The following KCNU1 variants were observed in gnomAD, a reference collection of about 807,000 sequenced individuals.
KCNU1 encodes potassium channel subfamily U member 1.
A neutral mutation model predicts 126.8 loss-of-function variants in KCNU1; 93 were observed. The observed-to-expected ratio is 0.73, with a 90% CI of 0.62 to 0.87. The LOEUF (loss-of-function observed/expected upper bound fraction) is 0.87. KCNU1 is among the 40% of genes least tolerant of loss of function. The pLI is 0.00. For missense variants in KCNU1, 1,330 were observed against 1,367.1 expected (o/e 0.97, Z 0.43); for synonymous variants, 523 against 494.2 (o/e 1.06, Z -0.77).
chr8:36,814,976 A>G (rs982313564), intron 8 of KCNU1, among the ~76,000 whole-genome samples: 1 of 151,708 alleles, frequency 6.6e-6, no homozygotes, highest in Non-Finnish European at 1.5e-5. Context: ...TCTGTCCCAT[A>G]TGCTTTCATT....
At chr8:36,902,526 C>T (rs1807459055) in intron 19 of KCNU1, among the ~76,000 whole-genome samples, 1 of 152,050 alleles carries the variant, frequency 6.6e-6, no homozygotes, top group South Asian at 2.1e-4. Context: ...CAGCAGGGAA[C>T]CACCTAAAAG....
intron 2 of KCNU1, among the ~76,000 whole-genome samples, chr8:36,799,253 A>T (rs1803214340): frequency 6.6e-6 from 1 of 152,188 alleles, no homozygotes; most frequent in African/African-American, 2.4e-5. Flanking sequence ...GTTTGCAGAT[A>T]ACCCATGTTT....
intron 7 of KCNU1, among the ~76,000 whole-genome samples, chr8:36,812,102 G>T (rs1803739203): frequency 6.6e-6 from 1 of 151,408 alleles, no homozygotes; most frequent in African/African-American, 2.4e-5. Context: ...ATTTTGGTCA[G>T]GCCCCTTGGC....
intron 19 of KCNU1, among the ~76,000 whole-genome samples, chr8:36,875,137 T>C (rs112713053): frequency 6.6e-6 from 1 of 152,252 alleles, no homozygotes; most frequent in African/African-American, 2.4e-5. Context: ...TTTCTGTCCG[T>C]CTCAAACTTC....
At chr8:36,817,809 C>T (rs752363863) in intron 10 of KCNU1, 49 bp downstream of exon 10, 21 of 888,520 alleles carry the variant, frequency 2.4e-5, no homozygotes, top group South Asian at 1.0e-4. Flanking sequence ...ACTTAAAATA[C>T]GTGTGAATAT....
chr8:36,875,610 A>C (rs1806253540), intron 19 of KCNU1, among the ~76,000 whole-genome samples: 1 of 152,036 alleles, frequency 6.6e-6, no homozygotes, highest in South Asian at 2.1e-4. Context: ...ACCTTCCAAA[A>C]TAAAAATGTC....
rs1246731624 is a variant in KCNU1 at position 36,836,879 on chromosome 8, C to A, written c.1452C>A (p.Ala484=). 3 of 1,613,604 alleles carry A rather than the reference C, an allele frequency of 1.9e-6. No individual in the cohort carries two copies. The African/African-American group carries it at 4.0e-5, about 22-fold the overall frequency. ...CFAELKLGFI[A]QGCLVPGLCT... ...CTGAATTAAAACTTGGATTTATCGC[C>A]CAAGGCTGTTTGGTGCCAGGCTTGT... Residue 484 remains alanine, a synonymous_variant, in exon 14 of 27, where the codon GCC becomes GCA. Coordinates refer to ENST00000399881, the MANE Select transcript of KCNU1 (RefSeq NM_001031836.3).
intron 10 of KCNU1, among the ~76,000 whole-genome samples, chr8:36,832,824 G>A (rs369022483): frequency 6.5e-4 from 98 of 151,874 alleles, no homozygotes; most frequent in African/African-American, 2.3e-3. Context: ...CCTAAAGCAC[G>A]GCTGTTGCTG....
At chr8:36,801,177 G>A (rs1803289592) in intron 2 of KCNU1, among the ~76,000 whole-genome samples, 1 of 152,094 alleles carries the variant, frequency 6.6e-6, no homozygotes, top group South Asian at 2.1e-4. Context: ...TAAATTTGGG[G>A]GAAAGAAACA....
chr8:36,835,632 G>A (rs546391274), intron 12 of KCNU1, among the ~76,000 whole-genome samples: 3 of 152,120 alleles, frequency 2.0e-5, no homozygotes, highest in Non-Finnish European at 4.4e-5. Flanking sequence ...GGGCCACTGC[G>A]CCTGGCCTGA....
Position 36,890,332 on chromosome 8 carries a change from T to C in KCNU1, c.2010-15376T>C, listed in dbSNP as rs566215644. 2.6e-5 allele frequency among the ~76,000 whole-genome samples: 4 copies of C among 152,148 alleles called. No individual in the cohort carries two copies. The South Asian group carries it at 8.3e-4, about 32-fold the overall frequency. Reference sequence around the variant, plus strand: ...GTATGAGGTGACCAATATACCTAGATACTTGAAATGAATGACAGCAGCATC... The same window carrying C: ...GTATGAGGTGACCAATATACCTAGACACTTGAAATGAATGACAGCAGCATC... On this transcript the variant is annotated intron_variant, in intron 19 of 26. Transcript: ENST00000399881.
At position 36,836,309 on chromosome 8, in the gene KCNU1, A is replaced by G. The variant is rs375260248; in HGVS notation, c.1309A>G (p.Lys437Glu). The change falls in exon 13 of 27, where the codon AAG becomes GAG. Residue 437 changes from lysine (K) to glutamate (E), a missense_variant. By Grantham distance (56) the Lys-to-Glu change is moderately conservative (BLOSUM62 1). Transcript: ENST00000399881. ...GGGTTTATATAGGGTGCTCTCTATC[A>G]AGAACTATGATTCTACCACCAGAAT... ...ISNIMRVLSI[K>E]NYDSTTRIII... 6 of 1,606,192 alleles carry G rather than the reference A, an allele frequency of 3.7e-6. No homozygotes were observed. Among genetic ancestry groups the G allele is most frequent in the South Asian group, 1.1e-5 (1 of 90,924 alleles).
chr8:36,928,421 G>A (rs571848575), intron 24 of KCNU1, among the ~76,000 whole-genome samples: 2 of 151,948 alleles, frequency 1.3e-5, no homozygotes, highest in East Asian at 1.9e-4. Flanking sequence ...CCACTCTCCC[G>A]CTCCCAGCCC....
chr8:36,808,012 A>C (rs1803570948), intron 6 of KCNU1, among the ~76,000 whole-genome samples: 1 of 152,206 alleles, frequency 6.6e-6, no homozygotes, highest in Admixed American at 6.6e-5. Context: ...TCTGTTACCC[A>C]GTCAAAATCT....
chr8:36,832,967 T>C (rs1159600049), intron 10 of KCNU1, among the ~76,000 whole-genome samples: 1 of 152,140 alleles, frequency 6.6e-6, no homozygotes, highest in East Asian at 1.9e-4. Context: ...AAAACTATTT[T>C]TATTTGTGTT....
At chr8:36,883,514 T>TGCCA (rs994933935) in intron 19 of KCNU1, among the ~76,000 whole-genome samples, 1 of 152,208 alleles carries the variant, frequency 6.6e-6, no homozygotes, top group Non-Finnish European at 1.5e-5. Flanking sequence ...CTTGGCAACA[T>TGCCA]GGTTCATGCC....
chr8:36,793,882 C>T (rs919592950), intron 2 of KCNU1, among the ~76,000 whole-genome samples: 2 of 151,744 alleles, frequency 1.3e-5, no homozygotes, highest in African/African-American at 4.8e-5. Flanking sequence ...GGTGAAACCC[C>T]GTCTCTACTA....
At chr8:36,823,038 G>A (rs1030205019) in intron 10 of KCNU1, among the ~76,000 whole-genome samples, 3 of 152,150 alleles carry the variant, frequency 2.0e-5, no homozygotes, top group African/African-American at 7.2e-5. Context: ...TCAAAACATA[G>A]GGATAAAGAG....
At chr8:36,838,130 G>A (rs1804821807) in intron 14 of KCNU1, among the ~76,000 whole-genome samples, 1 of 152,174 alleles carries the variant, frequency 6.6e-6, no homozygotes, top group South Asian at 2.1e-4. Context: ...GAGCCTTCAT[G>A]CAGCTACAAC....
Sources: allele counts gnomAD v4.1 joint callset (sites outside exome capture counted in the v4.1 genomes callset), GRCh38; gene constraint gnomAD v4.1.1; transcripts MANE v1.5; gene names NCBI Gene and HGNC (gene_info 2026-07-23, HGNC 2026-07-21).